PXDN: variants seen among roughly 807,000 people sequenced by gnomAD.
PXDN encodes the protein peroxidasin homolog.
Under a neutral mutation model 140.3 loss-of-function variants are expected in PXDN, and 77 were observed. The observed-to-expected ratio is 0.55, with a 90% CI of 0.46 to 0.66. The LOEUF is 0.66. Ranked by LOEUF, PXDN falls within the 30% of genes least tolerant of loss-of-function variation. The pLI is 0.00. For missense variants in PXDN, 1,838 were observed against 2,039.5 expected (o/e 0.90, Z 1.90); for synonymous variants, 911 against 857.4 (o/e 1.06, Z -1.09).
At chr2:1,743,462 C>G (rs1432863746) in intron 1 of PXDN, among the ~76,000 whole-genome samples, 1 of 151,962 alleles carries the variant, frequency 6.6e-6, no homozygotes, top group Non-Finnish European at 1.5e-5. Context: ...AAGCGCGGGG[C>G]CCCCAGGACA....
At chr2:1,721,742 G>A (rs1428323181) in intron 1 of PXDN, among the ~76,000 whole-genome samples, 2 of 152,148 alleles carry the variant, frequency 1.3e-5, no homozygotes, top group Non-Finnish European at 2.9e-5. Context: ...CAGGAGAATG[G>A]CGTGAACCCA....
Position 1,680,480 on chromosome 2 carries a change from C to T in PXDN, c.561-118G>A, listed in dbSNP as rs192648147. 44 of 1,256,732 alleles carry T rather than the reference C, an allele frequency of 3.5e-5. No individual in the cohort carries two copies. The East Asian group carries it at 4.6e-4, about 13-fold the overall frequency. The allele number at this position is 1,256,732 out of a possible 1,614,324, so 77.8% of individuals were successfully genotyped here. On this transcript the variant is annotated intron_variant, in intron 6 of 22. Coordinates refer to ENST00000252804, the MANE Select transcript of PXDN (RefSeq NM_012293.3). ...ACATGTGCCAGGCCTGCCAGGCTTG[C>T]GACATGGGGATGGGACACGTCTCGT... is the stretch of plus-strand genomic sequence containing the variant.
At chr2:1,741,244 T>C (rs1685536658) in intron 1 of PXDN, among the ~76,000 whole-genome samples, 1 of 152,160 alleles carries the variant, frequency 6.6e-6, no homozygotes, top group Non-Finnish European at 1.5e-5. Flanking sequence ...TACAACGGCA[T>C]ACTTTATCTT....
At chr2:1,728,995 G>A (rs969973296) in intron 1 of PXDN, among the ~76,000 whole-genome samples, 12 of 151,466 alleles carry the variant, frequency 7.9e-5, no homozygotes, top group African/African-American at 2.9e-4. Context: ...CAGGCAGGGC[G>A]CTGGGCTGGC....
chr2:1,635,483 G>A lies in PXDN; in HGVS notation c.4245C>T (p.Cys1415=), dbSNP rs377542618. ...CGTGAGATTCGCCCCCGGCATCCACGCACTCTGTGGTACTGAGCCGTGATT... is the reference window on the plus strand; with the variant it reads ...CGTGAGATTCGCCCCCGGCATCCACACACTCTGTGGTACTGAGCCGTGATT... The part of the protein sequence containing the change: ...KLESRLSTTE[C]VDAGGESHAN... The change falls in exon 22 of 23, where the codon TGC becomes TGT. Residue 1415 remains cysteine, a synonymous_variant. Transcript: ENST00000252804. The A allele has an allele frequency of 7.5e-6, 12 of 1,599,340 alleles. No individual in the cohort carries two copies. The highest frequency in any genetic ancestry group is 6.9e-5 in the Admixed American group (4 of 57,942).
rs1198728196 is a variant in PXDN, at chr2:1,651,344, G to C, written c.2105-1669C>G. 6.6e-6 allele frequency among the ~76,000 whole-genome samples: 1 copy of C among 152,180 alleles called. No individual in the cohort carries two copies. Among genetic ancestry groups the C allele is most frequent in the African/African-American group, 2.4e-5 (1 of 41,436 alleles). On this transcript the variant is annotated intron_variant, in intron 16 of 22. Coordinates refer to ENST00000252804, the MANE Select transcript of PXDN (RefSeq NM_012293.3). This position sits in a 1 kb window ranked among gnomAD's most constrained non-coding sequence, Gnocchi z 4.4. ...AGAGGCAGACCAGACCCGCCAACCAGAGCAGGTGGCACCGACCCTGGCCCC... is the reference window on the plus strand; with the variant it reads ...AGAGGCAGACCAGACCCGCCAACCACAGCAGGTGGCACCGACCCTGGCCCC...
intron 1 of PXDN, among the ~76,000 whole-genome samples, chr2:1,736,036 A>G (rs747614882): frequency 6.6e-6 from 1 of 152,172 alleles, no homozygotes; most frequent in Non-Finnish European, 1.5e-5. Flanking sequence ...CTCATGAACC[A>G]ATCTCTGCTA....
At position 1,639,015 on chromosome 2, in the gene PXDN, C is replaced by A; in HGVS notation, c.4074-37G>T. ...GGAAAGGAGGAGGAGGGAAATATAA[C>A]CTTGGCAGGTCACGCCGGGTCTCAT... is the stretch of plus-strand genomic sequence containing the variant. On this transcript the variant is annotated intron_variant, in intron 20 of 22. Coordinates refer to ENST00000252804, the MANE Select transcript of PXDN (RefSeq NM_012293.3). The surrounding 1 kb of genome is among the most constrained non-coding windows in gnomAD (Gnocchi z 5.0). The A allele has an allele frequency of 6.2e-7, 1 of 1,610,228 alleles. No individual in the cohort carries two copies. The highest frequency in any genetic ancestry group is 1.1e-5 in the South Asian group (1 of 90,868).
chr2:1,653,601 G>A (rs771336922), intron 16 of PXDN, 27 bp downstream of exon 16: 20 of 1,610,156 alleles, frequency 1.2e-5, no homozygotes, highest in Admixed American at 1.7e-5. Flanking sequence ...AGGCCATGGA[G>A]GAGGAAGAAA....
chr2:1,661,991 C>T, intron 13 of PXDN, 81 bp downstream of exon 13: 1 of 1,285,610 alleles, frequency 7.8e-7, no homozygotes, highest in East Asian at 2.5e-5. Context: ...GCCTACCTTG[C>T]TCCAGGTAGT....
At chr2:1,667,569 A>C (rs1683475324) in intron 9 of PXDN, among the ~76,000 whole-genome samples, 1 of 152,200 alleles carries the variant, frequency 6.6e-6, no homozygotes, top group Non-Finnish European at 1.5e-5. Context: ...TCTCAGCCCC[A>C]AAACTCCTTA....
chr2:1,683,002 A>T (rs1253182880), intron 6 of PXDN, among the ~76,000 whole-genome samples: 1 of 152,188 alleles, frequency 6.6e-6, no homozygotes, highest in Non-Finnish European at 1.5e-5. Flanking sequence ...TATAGCACAG[A>T]GGTTCTTTCC....
intron 1 of PXDN, among the ~76,000 whole-genome samples, chr2:1,742,283 A>G (rs867595981): frequency 6.6e-6 from 1 of 152,250 alleles, no homozygotes; most frequent in Non-Finnish European, 1.5e-5. Flanking sequence ...CTTAACAGCT[A>G]CCAGTCTACC....
At chr2:1,663,119 C>T (rs1006642063) in intron 12 of PXDN, among the ~76,000 whole-genome samples, 7 of 152,054 alleles carry the variant, frequency 4.6e-5, no homozygotes, top group Admixed American at 6.5e-5. Context: ...CAGGCAAAGG[C>T]GACATCCAAA....
chr2:1,723,711 G>C (rs1685109180), intron 1 of PXDN, among the ~76,000 whole-genome samples: 1 of 152,094 alleles, frequency 6.6e-6, no homozygotes, highest in Admixed American at 6.5e-5. Context: ...TGAATGGATG[G>C]ATGAAAGGGG....
At position 1,651,394 on chromosome 2, in the gene PXDN, C is replaced by T. The variant is rs77782124; in HGVS notation, c.2105-1719G>A. ...CAGTTTCCCAGGACTGGTTTGCCCA[C>T]ATCTGTCCTCACCCCATGCAGAGTG... is the stretch of plus-strand genomic sequence containing the variant. On this transcript the variant is annotated intron_variant, in intron 16 of 22. Coordinates refer to ENST00000252804, the MANE Select transcript of PXDN (RefSeq NM_012293.3). The surrounding 1 kb of genome is among the most constrained non-coding windows in gnomAD (Gnocchi z 4.4). 2.9e-3 allele frequency among the ~76,000 whole-genome samples: 436 copies of T among 152,290 alleles called. 15 individuals are homozygous for T. In the East Asian group the frequency reaches 0.063, roughly 22 times the overall value.
At chr2:1,683,547 A>ATGGAT (rs1558507310) in intron 6 of PXDN, 109 bp downstream of exon 6, 875 of 435,388 alleles carry the variant, frequency 2.0e-3, no homozygotes, top group Non-Finnish European at 2.7e-3. Context: ...TTCTTTCAGA[A>ATGGAT]TCAGATTGTT....
At position 1,744,318 on chromosome 2, in the gene PXDN, G is replaced by C. The variant is rs947835814; in HGVS notation, c.138C>G (p.Thr46=). Residue 46 remains threonine, a synonymous_variant, in exon 1 of 23, where the codon ACC becomes ACG. Transcript: ENST00000252804. Reference sequence around the variant, plus strand: ...CCAGCAGCAGATGCATGCAGCGCACGGTGGTGCGGAAGCACAGGCAGCGGC... The same window carrying C: ...CCAGCAGCAGATGCATGCAGCGCACCGTGGTGCGGAAGCACAGGCAGCGGC... ...CPSRCLCFRT[T]VRCMHLLLEA... 4.6e-6 allele frequency: 7 copies of C among 1,528,570 alleles called. No homozygotes were observed. The highest frequency in any genetic ancestry group is 6.1e-6 in the Non-Finnish European group (7 of 1,144,030). The allele number at this position is 1,528,570 out of a possible 1,614,324, so 94.7% of individuals were successfully genotyped here. A position where few individuals can be genotyped will look rare whatever the true frequency, so the allele number is the denominator to read the frequency against.
In PXDN at chr2:1,700,485, T is replaced by C. The variant is rs552464971; in HGVS notation, c.201-7351A>G. 5.9e-5 allele frequency among the ~76,000 whole-genome samples: 9 copies of C among 152,332 alleles called. No homozygotes were observed. The South Asian group carries it at 1.0e-3, about 18-fold the overall frequency. ...GAAGCTAATGGCAGAAATATCATTT[T>C]AAGCTCCTCATTAAGGTACAGGATT... On this transcript the variant is annotated intron_variant, in intron 1 of 22. Coordinates refer to ENST00000252804, the MANE Select transcript of PXDN (RefSeq NM_012293.3).
Sources: allele counts gnomAD v4.1 joint callset (sites outside exome capture counted in the v4.1 genomes callset), GRCh38; gene constraint gnomAD v4.1.1; non-coding constraint Gnocchi (gnomAD v3.1); transcripts MANE v1.5; gene names NCBI Gene and HGNC (gene_info 2026-07-23, HGNC 2026-07-21).